GREM2: variants seen among roughly 807,000 people sequenced by gnomAD.
GREM2 encodes the protein gremlin 2, DAN family BMP antagonist.
Under a neutral mutation model 14.2 loss-of-function variants are expected in GREM2, and 11 were observed. That is an observed-to-expected ratio of 0.78 (90% CI 0.49 to 1.28). The LOEUF is 1.28. Ranked by LOEUF, GREM2 falls within the 50% of genes most tolerant of loss-of-function variation. The probability of loss-of-function intolerance (pLI) is 0.00; values close to 1 mark genes in which losing one functional copy is unlikely to be tolerated. For synonymous variants in GREM2, 98 were observed against 97.6 expected, an observed-to-expected ratio of 1.00 and a Z score of -0.02; for missense variants, 210 against 218.5, an observed-to-expected ratio of 0.96 and a Z score of 0.24.
At chr1:240,593,575 T>G (rs1358827634) in intron 1 of GREM2, among the ~76,000 whole-genome samples, 1 of 152,204 alleles carries the variant, frequency 6.6e-6, no homozygotes, top group African/African-American at 2.4e-5. Flanking sequence ...CAGCAACGTA[T>G]GTGTCATATG....
At chr1:240,536,246 G>A (rs1257381199) in intron 1 of GREM2, among the ~76,000 whole-genome samples, 1 of 152,156 alleles carries the variant, frequency 6.6e-6, no homozygotes, top group East Asian at 1.9e-4. Flanking sequence ...TAAAGCTAAG[G>A]ACGAACACAT....
intron 1 of GREM2, among the ~76,000 whole-genome samples, chr1:240,503,138 T>G (rs140919097): frequency 1.3e-4 from 20 of 152,298 alleles, no homozygotes; most frequent in African/African-American, 4.8e-4. Context: ...GATTCTTGAT[T>G]ATGTTATTAA....
At chr1:240,501,049 A>G (rs552445902) in intron 1 of GREM2, among the ~76,000 whole-genome samples, 3 of 152,290 alleles carry the variant, frequency 2.0e-5, no homozygotes, top group Non-Finnish European at 4.4e-5. Flanking sequence ...CCTATCTGAA[A>G]CATTTGAGAT....
intron 1 of GREM2, among the ~76,000 whole-genome samples, chr1:240,585,915 A>G (rs766890969): frequency 4.6e-5 from 7 of 151,856 alleles, no homozygotes; most frequent in Non-Finnish European, 7.4e-5. Context: ...AAGAACTTGC[A>G]TCTGATGAGT....
intron 1 of GREM2, among the ~76,000 whole-genome samples, chr1:240,563,700 G>A (rs1458112765): frequency 1.3e-5 from 2 of 152,154 alleles, no homozygotes; most frequent in Non-Finnish European, 2.9e-5. Flanking sequence ...TGGGCATTTT[G>A]TAAATCTCTG....
At chr1:240,534,372 G>A (rs894465521) in intron 1 of GREM2, among the ~76,000 whole-genome samples, 1 of 152,184 alleles carries the variant, frequency 6.6e-6, no homozygotes, top group Non-Finnish European at 1.5e-5. Context: ...TCTGCTCTAA[G>A]AGAGACATCA....
At chr1:240,523,606 G>T (rs1237741025) in intron 1 of GREM2, among the ~76,000 whole-genome samples, 2 of 152,050 alleles carry the variant, frequency 1.3e-5, no homozygotes, top group South Asian at 2.1e-4. Flanking sequence ...TGTATTGTAA[G>T]AATTTATTTA....
chr1:240,604,575 GAA>G (rs1165118299), intron 1 of GREM2, among the ~76,000 whole-genome samples: 2 of 152,126 alleles, frequency 1.3e-5, no homozygotes, highest in African/African-American at 2.4e-5. Context: ...TAACTAAAGA[GAA>G]TGTGATATTT....
intron 1 of GREM2, among the ~76,000 whole-genome samples, chr1:240,513,736 G>C (rs998134194): frequency 1.3e-5 from 2 of 152,100 alleles, no homozygotes; most frequent in African/African-American, 4.8e-5. Context: ...TCTGTGTTTG[G>C]TGAGAAGCCA....
intron 1 of GREM2, among the ~76,000 whole-genome samples, chr1:240,584,765 T>A (rs1423465103): frequency 6.6e-6 from 1 of 152,028 alleles, no homozygotes; most frequent in African/African-American, 2.4e-5. Flanking sequence ...AGCATTTACA[T>A]TGTATTAGTA....
At chr1:240,534,392 T>C (rs907245614) in intron 1 of GREM2, among the ~76,000 whole-genome samples, 1 of 151,956 alleles carries the variant, frequency 6.6e-6, no homozygotes, top group Non-Finnish European at 1.5e-5. Context: ...ACATCTGCAG[T>C]TAAGAGAGTG....
rs1190803662 is a variant in GREM2, at chr1:240,508,656, C to G, written c.-1-15180G>C. ...TTTTTTAATACATTGTTTCCAAACA[C>G]AAGTATTGGCACATTTTTCCATAGA... On this transcript the variant is annotated intron_variant, in intron 1 of 1. Transcript: ENST00000318160. Among the ~76,000 whole-genome samples the G allele has an allele frequency of 2.6e-5, 4 of 152,180 alleles. No individual in the cohort carries two copies. The East Asian group carries it at 7.7e-4, about 29-fold the overall frequency.
intron 1 of GREM2, among the ~76,000 whole-genome samples, chr1:240,515,147 G>C (rs547867501): frequency 6.6e-6 from 1 of 152,266 alleles, no homozygotes; most frequent in East Asian, 1.9e-4. Context: ...ATGGGGAGGA[G>C]GACTGATGAG....
chr1:240,602,901 TTC>T (rs1191667080), intron 1 of GREM2, among the ~76,000 whole-genome samples: 1 of 151,748 alleles, frequency 6.6e-6, no homozygotes, highest in African/African-American at 2.4e-5. Context: ...GTGAAACCCC[TTC>T]TCTACTAAAA....
intron 1 of GREM2, among the ~76,000 whole-genome samples, chr1:240,577,092 A>G (rs1558169464): frequency 6.6e-6 from 1 of 152,216 alleles, no homozygotes; most frequent in Non-Finnish European, 1.5e-5. Context: ...GTGGGTGCCA[A>G]AATAAATCTT....
intron 1 of GREM2, among the ~76,000 whole-genome samples, chr1:240,592,352 C>T (rs528428394): frequency 2.0e-5 from 3 of 151,946 alleles, no homozygotes; most frequent in Middle Eastern, 3.4e-3. Flanking sequence ...ATAACAGTGG[C>T]CTTTTGGGTA....
intron 1 of GREM2, among the ~76,000 whole-genome samples, chr1:240,534,418 A>G (rs199556930): frequency 9.1e-4 from 139 of 152,252 alleles, no homozygotes; most frequent in African/African-American, 3.3e-3. Flanking sequence ...GGCCGGGTGC[A>G]GTGGCTCACG....
At chr1:240,591,072 G>A (rs747173945) in intron 1 of GREM2, among the ~76,000 whole-genome samples, 23 of 152,154 alleles carry the variant, frequency 1.5e-4, no homozygotes, top group African/African-American at 3.1e-4. Context: ...GAGCCACCAT[G>A]CCCAGCCAGA....
intron 1 of GREM2, among the ~76,000 whole-genome samples, chr1:240,591,005 T>C (rs544064249): frequency 6.0e-5 from 9 of 151,098 alleles, no homozygotes; most frequent in East Asian, 4.0e-4. Flanking sequence ...TGGTCTCAAA[T>C]GCCTGACCTC....
Sources: allele counts gnomAD v4.1 joint callset (sites outside exome capture counted in the v4.1 genomes callset), GRCh38; gene constraint gnomAD v4.1.1; transcripts MANE v1.5; gene names NCBI Gene and HGNC (gene_info 2026-07-23, HGNC 2026-07-21).